The following ZBTB20 variants were observed in gnomAD, a reference collection of about 807,000 sequenced individuals.
ZBTB20 encodes zinc finger and BTB domain containing 20, also known as zinc finger and BTB domain-containing protein 20.
In ZBTB20, 9 loss-of-function variants were observed where a neutral mutation model predicts 56.9. The observed-to-expected ratio is 0.16, with a 90% CI of 0.10 to 0.28. ZBTB20 has a LOEUF of 0.28. ZBTB20 is among the 10% of genes least tolerant of loss of function. The pLI is 1.00. For missense variants in ZBTB20, 655 were observed against 1,003.0 expected, an observed-to-expected ratio of 0.65 and a Z score of 4.69; for synonymous variants, 417 against 420.7, an observed-to-expected ratio of 0.99 and a Z score of 0.11.
intron 10 of ZBTB20, among the ~76,000 whole-genome samples, chr3:114,365,506 G>A (rs2082307571): frequency 6.6e-6 from 1 of 152,194 alleles, no homozygotes. Flanking sequence ...AACACAGTGT[G>A]TAGGGGGTGG....
chr3:115,115,471 G>A (rs909903261), intron 1 of ZBTB20, among the ~76,000 whole-genome samples: 1 of 152,012 alleles, frequency 6.6e-6, no homozygotes, highest in East Asian at 1.9e-4. Flanking sequence ...AATATCATTG[G>A]ATGAAATGTT....
At chr3:114,559,746 A>C (rs1454948278) in intron 6 of ZBTB20, among the ~76,000 whole-genome samples, 1 of 152,092 alleles carries the variant, frequency 6.6e-6, no homozygotes, top group East Asian at 1.9e-4. Context: ...GAGTAGACAT[A>C]TTTTCCTTTC....
At chr3:115,083,265 C>T (rs1463211072) in intron 1 of ZBTB20, among the ~76,000 whole-genome samples, 2 of 152,058 alleles carry the variant, frequency 1.3e-5, no homozygotes, top group East Asian at 3.9e-4. Context: ...TTGATCATCG[C>T]ATCCACATTT....
intron 7 of ZBTB20, among the ~76,000 whole-genome samples, chr3:114,493,702 T>A (rs1455698897): frequency 6.6e-6 from 1 of 152,222 alleles, no homozygotes; most frequent in Admixed American, 6.5e-5. Flanking sequence ...GAGAAGCTTC[T>A]CCTGAATTTC....
chr3:114,602,974 A>G (rs1416748383), intron 6 of ZBTB20, among the ~76,000 whole-genome samples: 2 of 151,994 alleles, frequency 1.3e-5, no homozygotes, highest in African/African-American at 4.8e-5. Context: ...ATGAATTCAG[A>G]GCTTCTGACT....
At chr3:114,793,778 T>A (rs2071149824) in intron 5 of ZBTB20, among the ~76,000 whole-genome samples, 1 of 152,060 alleles carries the variant, frequency 6.6e-6, no homozygotes, top group South Asian at 2.1e-4. Flanking sequence ...GCTCAAGCTT[T>A]TTTCCACTAA....
chr3:114,615,036 G>T (rs2057833785), intron 6 of ZBTB20, among the ~76,000 whole-genome samples: 1 of 152,052 alleles, frequency 6.6e-6, no homozygotes, highest in Non-Finnish European at 1.5e-5. Flanking sequence ...AAAGTGCTTG[G>T]GATTACAGGC....
chr3:114,551,592 A>T (rs527926260), intron 6 of ZBTB20, among the ~76,000 whole-genome samples: 47 of 152,360 alleles, frequency 3.1e-4, no homozygotes, highest in African/African-American at 1.1e-3. Context: ...AGAGATATAC[A>T]TAAGCAACAA....
chr3:114,564,855 G>A (rs569601205), intron 6 of ZBTB20, among the ~76,000 whole-genome samples: 4 of 152,244 alleles, frequency 2.6e-5, no homozygotes, highest in Admixed American at 6.5e-5. Flanking sequence ...TAACACCAGC[G>A]TTGCAGGTGT....
intron 2 of ZBTB20, among the ~76,000 whole-genome samples, chr3:115,055,236 A>G (rs1283315415): frequency 1.8e-5 from 1 of 56,390 alleles, no homozygotes; most frequent in African/African-American, 7.2e-5. Flanking sequence ...ACTGTCCACT[A>G]GCCTTGGAAG....
At chr3:114,432,169 G>GAAA (rs5851926) in intron 7 of ZBTB20, among the ~76,000 whole-genome samples, 4 of 144,956 alleles carry the variant, frequency 2.8e-5, no homozygotes, top group Admixed American at 6.9e-5. Context: ...GATTCCATTA[G>GAAA]AAAAAAAAAA....
rs1214327295 is a variant in ZBTB20 at position 114,335,237 on chromosome 3, T to A, written c.*3768A>T. 6.6e-6 allele frequency: 1 copy of A among 152,158 alleles called. No individual in the cohort carries two copies. The highest frequency in any genetic ancestry group is 2.4e-5 in the African/African-American group (1 of 41,432). 9.4% of individuals were successfully genotyped at this position (152,158 alleles called of 1,614,324 possible). A position where few individuals can be genotyped will look rare whatever the true frequency, so the allele number is the denominator to read the frequency against. On this transcript the variant is annotated 3_prime_UTR_variant, in exon 12 of 12. Transcript: ENST00000675478. ...TCTTCCTTGTACTCATCCTAAGAAG[T>A]CTTAAATCTGGAACATTTGCTTTTA...
chr3:114,464,620 A>T (rs1230694275), intron 7 of ZBTB20, among the ~76,000 whole-genome samples: 1 of 152,252 alleles, frequency 6.6e-6, no homozygotes, highest in Non-Finnish European at 1.5e-5. Flanking sequence ...ATAAAGACTA[A>T]TAAATGAATA....
chr3:114,600,338 A>G (rs1001618228), intron 6 of ZBTB20, among the ~76,000 whole-genome samples: 1 of 152,000 alleles, frequency 6.6e-6, no homozygotes, highest in Non-Finnish European at 1.5e-5. Flanking sequence ...GGTTGGTAAC[A>G]CATTCTAGAT....
chr3:114,600,495 G>T (rs2056676114), intron 6 of ZBTB20, among the ~76,000 whole-genome samples: 1 of 151,924 alleles, frequency 6.6e-6, no homozygotes, highest in South Asian at 2.1e-4. Flanking sequence ...TCACTTGAAG[G>T]CCTTATCCCA....
chr3:114,878,023 G>A (rs1037218095), intron 4 of ZBTB20, among the ~76,000 whole-genome samples: 4 of 151,956 alleles, frequency 2.6e-5, no homozygotes, highest in African/African-American at 9.7e-5. Flanking sequence ...CCATTTAAAA[G>A]GGGCAAAAAT....
At chr3:115,126,781 A>C (rs931250307) in intron 1 of ZBTB20, among the ~76,000 whole-genome samples, 8 of 152,230 alleles carry the variant, frequency 5.3e-5, no homozygotes, top group African/African-American at 1.9e-4. Context: ...CTTCTGGTTA[A>C]GGGAATATAG....
At chr3:114,806,315 A>C (rs1364966197) in intron 4 of ZBTB20, among the ~76,000 whole-genome samples, 1 of 151,830 alleles carries the variant, frequency 6.6e-6, no homozygotes, top group Admixed American at 6.6e-5. Flanking sequence ...TACGGTTTTA[A>C]TTTACTTTTC....
chr3:115,091,963 A>G (rs1047074145), intron 1 of ZBTB20, among the ~76,000 whole-genome samples: 4 of 152,122 alleles, frequency 2.6e-5, no homozygotes, highest in African/African-American at 9.7e-5. Context: ...GGAATGTGAA[A>G]GAAGGAGCAC....
Sources: allele counts gnomAD v4.1 joint callset (sites outside exome capture counted in the v4.1 genomes callset), GRCh38; gene constraint gnomAD v4.1.1; transcripts MANE v1.5; gene names NCBI Gene and HGNC (gene_info 2026-07-23, HGNC 2026-07-21).